HOMEZ: variants seen among roughly 807,000 people sequenced by gnomAD.
HOMEZ encodes homeobox and leucine zipper protein Homez.
A neutral mutation model predicts 50.1 loss-of-function variants in HOMEZ; 20 were observed. That is an observed-to-expected ratio of 0.40 (90% CI 0.28 to 0.58). HOMEZ has a LOEUF of 0.58. Among genes scored for constraint, HOMEZ ranks in the 20% least tolerant of loss-of-function variants. The pLI, the probability that HOMEZ is intolerant of heterozygous loss-of-function variation, is 0.46. For missense variants in HOMEZ, 579 were observed against 680.5 expected, an observed-to-expected ratio of 0.85 and a Z score of 1.66; for synonymous variants, 239 against 254.7, an observed-to-expected ratio of 0.94 and a Z score of 0.59.
rs1886384696 is a variant in HOMEZ, at chr14:23,277,176, C to T, written c.52G>A (p.Gly18Arg). ...GGCATGGTGCCTTCTGATTTGTGCCCTTCAGAGATAGCTGCAATAAGAAGA... is the reference window on the plus strand; with the variant it reads ...GGCATGGTGCCTTCTGATTTGTGCCTTTCAGAGATAGCTGCAATAAGAAGA... ...PPGLDCAISE[G>R]HKSEGTMPPN... The change falls in exon 2 of 2, where the codon GGG (glycine) becomes AGG (arginine). Residue 18 changes from glycine (G) to arginine (R), a missense_variant. Coordinates refer to ENST00000357460, the MANE Select transcript of HOMEZ (RefSeq NM_020834.3). 1 of 1,570,798 alleles carries T rather than the reference C, an allele frequency of 6.4e-7. No homozygotes were observed. Among genetic ancestry groups the T allele is most frequent in the Non-Finnish European group, 8.6e-7 (1 of 1,157,512 alleles).
intron 1 of HOMEZ, among the ~76,000 whole-genome samples, chr14:23,284,406 T>C (rs1667091156): frequency 6.6e-6 from 1 of 152,244 alleles, no homozygotes; most frequent in Non-Finnish European, 1.5e-5. Context: ...ACTGAGCCAC[T>C]GGATTACATG....
Position 23,275,806 on chromosome 14 carries a change from T to A in HOMEZ, c.1422A>T (p.Gln474His). 6.2e-7 allele frequency: 1 copy of A among 1,610,164 alleles called. No individual in the cohort carries two copies. The highest frequency in any genetic ancestry group is 8.5e-7 in the Non-Finnish European group (1 of 1,177,690). The change falls in exon 2 of 2, where the codon CAA becomes CAT. Residue 474 changes from glutamine (Q) to histidine (H), a missense_variant. Coordinates refer to ENST00000357460, the MANE Select transcript of HOMEZ (RefSeq NM_020834.3). The part of the protein sequence containing the change: ...QPLERYWAAH[Q>H]QLRETDIPQL... Reference sequence around the variant, plus strand: ...GAGGGATATCAGTTTCCCGTAGCTGTTGGTGGGCTGCCCAGTACCTCTCCA... The same window carrying A: ...GAGGGATATCAGTTTCCCGTAGCTGATGGTGGGCTGCCCAGTACCTCTCCA...
intron 1 of HOMEZ, among the ~76,000 whole-genome samples, chr14:23,278,200 A>G (rs1886411290): frequency 6.6e-6 from 1 of 152,134 alleles, no homozygotes; most frequent in Non-Finnish European, 1.5e-5. Context: ...CAGTGGCACC[A>G]TCATAGCTCT....
At chr14:23,285,295 A>T (rs1322422236) in intron 1 of HOMEZ, 1 of 152,024 alleles carries the variant, frequency 6.6e-6, no homozygotes, top group East Asian at 1.9e-4. Flanking sequence ...ACATTACCAA[A>T]CAGGTCTCAG....
At chr14:23,280,784 T>TTTTA (rs1566451376) in intron 1 of HOMEZ, among the ~76,000 whole-genome samples, 16 of 134,346 alleles carry the variant, frequency 1.2e-4, no homozygotes, top group African/African-American at 3.4e-4. Context: ...TTTTATTTTA[T>TTTTA]TTTATTTGGA....
intron 1 of HOMEZ, among the ~76,000 whole-genome samples, chr14:23,283,471 T>C (rs912749605): frequency 1.3e-5 from 2 of 152,224 alleles, no homozygotes; most frequent in Non-Finnish European, 2.9e-5. Flanking sequence ...TCCATATCCC[T>C]GGACAGATGG....
At position 23,286,069 on chromosome 14, in the gene HOMEZ, C is replaced by A. The variant is rs550386813; in HGVS notation, c.-117G>T. The A allele has an allele frequency of 2.8e-5, 34 of 1,230,892 alleles. No individual in the cohort carries two copies. Among genetic ancestry groups the A allele is most frequent in the African/African-American group, 6.2e-5 (4 of 64,380 alleles). 76.2% of individuals were successfully genotyped at this position (1,230,892 alleles called of 1,614,324 possible). ...TGGCCGAAACCGGGACTGCCCCCCCCACCGTCCCCGGGAGCGCGCCGGTCT... is the reference window on the plus strand; with the variant it reads ...TGGCCGAAACCGGGACTGCCCCCCCAACCGTCCCCGGGAGCGCGCCGGTCT... On this transcript the variant is annotated 5_prime_UTR_variant, in exon 1 of 2. Transcript: ENST00000357460.
At chr14:23,279,771 C>T (rs1450269473) in intron 1 of HOMEZ, among the ~76,000 whole-genome samples, 3 of 152,108 alleles carry the variant, frequency 2.0e-5, no homozygotes, top group African/African-American at 4.8e-5. Context: ...CATGAGCCAC[C>T]GCGCCTGGCC....
chr14:23,283,354 T>C (rs1271593289), intron 1 of HOMEZ, among the ~76,000 whole-genome samples: 2 of 151,774 alleles, frequency 1.3e-5, no homozygotes, highest in Non-Finnish European at 2.9e-5. Context: ...CTGGGCAACA[T>C]AGCGAGACCT....
rs1217323642 is a variant in HOMEZ, at chr14:23,274,872, C to G, written c.*703G>C. The G allele has an allele frequency of 6.6e-6, 1 of 150,682 alleles. No homozygotes were observed. The highest frequency in any genetic ancestry group is 2.5e-5 in the African/African-American group (1 of 40,802). The allele number at this position is 150,682 out of a possible 1,614,324, so 9.3% of individuals were successfully genotyped here. ...AGTGAGCTGAGATTGCGCCATTGCA[C>G]TACAGCCTGGGCGACAGAGCAAGAC... is the stretch of plus-strand genomic sequence containing the variant. On this transcript the variant is annotated 3_prime_UTR_variant, in exon 2 of 2. Transcript: ENST00000357460.
rs1555324057 is a variant in HOMEZ, at chr14:23,286,061, G to GCCCCCCCCAC, written c.-119_-110dup. 6 of 1,224,088 alleles carry GCCCCCCCCAC rather than the reference G, an allele frequency of 4.9e-6. No homozygotes were observed. The highest frequency in any genetic ancestry group is 6.2e-4 in the Middle Eastern group (2 of 3,208). 75.8% of individuals were successfully genotyped at this position (1,224,088 alleles called of 1,614,324 possible). A position where few individuals can be genotyped will look rare whatever the true frequency, so the allele number is the denominator to read the frequency against. On this transcript the variant is annotated 5_prime_UTR_variant, in exon 1 of 2. Coordinates refer to ENST00000357460, the MANE Select transcript of HOMEZ (RefSeq NM_020834.3). Reference sequence around the variant, plus strand: ...CCCAGCGATGGCCGAAACCGGGACTGCCCCCCCCACCGTCCCCGGGAGCGC... The same window carrying GCCCCCCCCAC: ...CCCAGCGATGGCCGAAACCGGGACTGCCCCCCCCACCCCCCCCCACCGTCCCCGGGAGCGC...
At chr14:23,278,062 C>T (rs896185563) in intron 1 of HOMEZ, among the ~76,000 whole-genome samples, 51 of 152,152 alleles carry the variant, frequency 3.4e-4, no homozygotes, top group Middle Eastern at 3.4e-3. Flanking sequence ...CTCCTGACCT[C>T]GTGATCCACC....
chr14:23,275,809 G>C lies in HOMEZ; in HGVS notation c.1419C>G (p.His473Gln). ...IQPLERYWAA[H>Q]QQLRETDIPQ... is the part of the protein sequence containing the mutation. The stretch of plus-strand genomic sequence containing the variant: ...GGATATCAGTTTCCCGTAGCTGTTG[G>C]TGGGCTGCCCAGTACCTCTCCAAGG... The change falls in exon 2 of 2, where the codon CAC (histidine) becomes CAG (glutamine). Residue 473 changes from histidine (H) to glutamine (Q), a missense_variant. Coordinates refer to ENST00000357460, the MANE Select transcript of HOMEZ (RefSeq NM_020834.3). 1 of 1,609,866 alleles carries C rather than the reference G, an allele frequency of 6.2e-7. No individual in the cohort carries two copies. The highest frequency in any genetic ancestry group is 8.5e-7 in the Non-Finnish European group (1 of 1,177,490).
rs1040687039 is a variant in HOMEZ, at chr14:23,274,738, C to T, written c.*837G>A. On this transcript the variant is annotated 3_prime_UTR_variant, in exon 2 of 2. Transcript: ENST00000357460. Reference sequence around the variant, plus strand: ...CTGGCTAACATGATGAAACCCGTCTCTACTAAAAATATAAAAAAGTAGCCG... The same window carrying T: ...CTGGCTAACATGATGAAACCCGTCTTTACTAAAAATATAAAAAAGTAGCCG... 7.9e-5 allele frequency: 12 copies of T among 152,118 alleles called. No homozygotes were observed. The highest frequency in any genetic ancestry group is 2.9e-4 in the African/African-American group (12 of 41,424). 9.4% of individuals were successfully genotyped at this position (152,118 alleles called of 1,614,324 possible).
rs375173333 is a variant in HOMEZ, at chr14:23,276,137, G to C, written c.1091C>G (p.Thr364Ser). The change falls in exon 2 of 2, where the codon ACC (threonine) becomes AGC (serine). Residue 364 changes from threonine (T) to serine (S), a missense_variant. Thr to Ser is a moderately conservative substitution (Grantham distance 58). Transcript: ENST00000357460. The surrounding 1 kb of genome is among the most constrained non-coding windows in gnomAD (Gnocchi z 4.1). ...TTTAAGGATAGCCAGCTGCTCTTTG[G>C]TTTTGCGCTTGGTCTTTCGCTGGCG... ...MQRQRKTKRK[T>S]KEQLAILKSF... is the part of the protein sequence containing the mutation. The C allele has an allele frequency of 4.3e-6, 7 of 1,613,870 alleles. No homozygotes were observed. Among genetic ancestry groups the C allele is most frequent in the African/African-American group, 1.3e-5 (1 of 74,934 alleles).
rs766105546 is a variant in HOMEZ, at chr14:23,275,572, C to A, written c.*3G>T. 176 of 1,530,216 alleles carry A rather than the reference C, an allele frequency of 1.2e-4. No homozygotes were observed. The highest frequency in any genetic ancestry group is 1.4e-4 in the Non-Finnish European group (159 of 1,131,784). 94.8% of individuals were successfully genotyped at this position (1,530,216 alleles called of 1,614,324 possible). The stretch of plus-strand genomic sequence containing the variant: ...ACAGACCTCCCCTCCCCCAGCTCCC[C>A]ACTCAGTCTTGTATGATCACATCAT... On this transcript the variant is annotated 3_prime_UTR_variant, in exon 2 of 2. Transcript: ENST00000357460.
intron 1 of HOMEZ, among the ~76,000 whole-genome samples, chr14:23,283,340 T>C (rs1362501657): frequency 6.6e-6 from 1 of 151,664 alleles, no homozygotes; most frequent in Non-Finnish European, 1.5e-5. Flanking sequence ...AATTCAAGAC[T>C]AGCCTGGGCA....
intron 1 of HOMEZ, among the ~76,000 whole-genome samples, chr14:23,283,133 G>C (rs996033612): frequency 1.3e-5 from 2 of 152,238 alleles, no homozygotes; most frequent in African/African-American, 4.8e-5. Context: ...TCCTAGCGCA[G>C]AGGAGGTAGT....
At position 23,273,035 on chromosome 14, in the gene HOMEZ, C is replaced by T. The variant is rs1205797046; in HGVS notation, c.*2540G>A. The T allele has an allele frequency of 1.9e-6, 1 of 531,504 alleles. No individual in the cohort carries two copies. The highest frequency in any genetic ancestry group is 2.0e-5 in the African/African-American group (1 of 50,164). The allele number at this position is 531,504 out of a possible 1,614,324, so 32.9% of individuals were successfully genotyped here. ...TACCTTATGCTCCCCCCATCTTTAC[C>T]CTATTCACCCTTATCACCTCCCAGG... On this transcript the variant is annotated 3_prime_UTR_variant, in exon 2 of 2. Coordinates refer to ENST00000357460, the MANE Select transcript of HOMEZ (RefSeq NM_020834.3).
Sources: allele counts gnomAD v4.1 joint callset (sites outside exome capture counted in the v4.1 genomes callset), GRCh38; gene constraint gnomAD v4.1.1; non-coding constraint Gnocchi (gnomAD v3.1); transcripts MANE v1.5; gene names NCBI Gene and HGNC (gene_info 2026-07-23, HGNC 2026-07-21).